The following FRMPD4 variants were observed in gnomAD, a reference collection of about 807,000 sequenced individuals.
FRMPD4 encodes FERM and PDZ domain containing 4, also known as FERM and PDZ domain-containing protein 4.
FRMPD4 carries 22 observed loss-of-function variants against 94.1 expected under a neutral mutation model. The ratio of observed to expected loss-of-function variants is 0.23; its 90% confidence interval spans 0.17 to 0.33. The LOEUF is 0.33. Among genes scored for constraint, FRMPD4 ranks in the 10% least tolerant of loss-of-function variants. The pLI, the probability that FRMPD4 is intolerant of heterozygous loss-of-function variation, is 1.00. For missense variants in FRMPD4, 1,111 were observed against 1,339.9 expected, an observed-to-expected ratio of 0.83 and a Z score of 2.67; for synonymous variants, 631 against 548.6, an observed-to-expected ratio of 1.15 and a Z score of -2.10.
intron 1 of FRMPD4, among the ~76,000 whole-genome samples, chrX:12,358,080 A>G (rs1406834396): frequency 8.9e-6 from 1 of 111,930 alleles, no homozygotes; most frequent in African/African-American, 3.3e-5. Context: ...ATTCCTTTTT[A>G]CTGCTGAATT....
At chrX:11,861,557 C>T (rs1483880726) in intron 1 of FRMPD4, among the ~76,000 whole-genome samples, 1 of 111,840 alleles carries the variant, frequency 8.9e-6, no homozygotes. Context: ...ATCCATTTGC[C>T]TATTCAATTT....
intron 3 of FRMPD4, among the ~76,000 whole-genome samples, chrX:12,037,171 C>T (rs375356648): frequency 4.5e-5 from 5 of 111,667 alleles, no homozygotes; most frequent in African/African-American, 1.6e-4. Flanking sequence ...CCAATGTTCT[C>T]AGCTGGATGA....
intron 3 of FRMPD4, among the ~76,000 whole-genome samples, chrX:11,935,121 A>T (rs1404803597): frequency 1.3e-5 from 1 of 74,776 alleles, no homozygotes; most frequent in Non-Finnish European, 2.6e-5. Context: ...ATTGAGGTGT[A>T]ACCAGCATAC....
At chrX:12,576,967 T>C (rs1195359780) in intron 2 of FRMPD4, among the ~76,000 whole-genome samples, 10 of 111,872 alleles carry the variant, frequency 8.9e-5, no homozygotes, top group African/African-American at 3.3e-4. Flanking sequence ...AATTCCATGA[T>C]AGTTGTCAAT....
chrX:12,291,959 G>C (rs1425948859), intron 1 of FRMPD4, among the ~76,000 whole-genome samples: 1 of 111,895 alleles, frequency 8.9e-6, no homozygotes, highest in Non-Finnish European at 1.9e-5. Context: ...AAACTCTGCT[G>C]TCTGTGGCCT....
At chrX:12,170,037 A>G (rs2056193446) in intron 1 of FRMPD4, among the ~76,000 whole-genome samples, 1 of 111,787 alleles carries the variant, frequency 8.9e-6, no homozygotes, top group Admixed American at 9.5e-5. Flanking sequence ...TCCGCAAAAT[A>G]TTTTCCTCAG....
intron 13 of FRMPD4, among the ~76,000 whole-genome samples, chrX:12,708,309 A>C: frequency 9.1e-6 from 1 of 110,048 alleles, no homozygotes. Flanking sequence ...ATCTCTACTA[A>C]AAATACAAAA....
intron 3 of FRMPD4, among the ~76,000 whole-genome samples, chrX:12,083,149 C>G (rs941298032): frequency 4.4e-5 from 5 of 112,671 alleles, no homozygotes; most frequent in Non-Finnish European, 9.4e-5. Flanking sequence ...CCATCACAGG[C>G]CTGGAGGCCC....
At chrX:12,539,545 A>G (rs2058380427) in intron 2 of FRMPD4, among the ~76,000 whole-genome samples, 1 of 112,094 alleles carries the variant, frequency 8.9e-6, no homozygotes, top group Non-Finnish European at 1.9e-5. Context: ...AAAGAAAGGT[A>G]GGGTTAACCA....
intron 1 of FRMPD4, among the ~76,000 whole-genome samples, chrX:12,172,508 G>T (rs2056240125): frequency 1.8e-5 from 2 of 111,972 alleles, no homozygotes; most frequent in South Asian, 7.4e-4. Flanking sequence ...TGCAGGACTT[G>T]TTAAAACACT....
At chrX:12,162,712 A>T (rs888639363) in intron 1 of FRMPD4, among the ~76,000 whole-genome samples, 2 of 111,763 alleles carry the variant, frequency 1.8e-5, no homozygotes, top group African/African-American at 6.5e-5. Context: ...AAATCAAGGA[A>T]GAACATCTGG....
chrX:11,847,748 T>C (rs1488895973), intron 1 of FRMPD4, among the ~76,000 whole-genome samples: 29 of 107,727 alleles, frequency 2.7e-4, no homozygotes, highest in African/African-American at 9.2e-4. Context: ...TGGATGAAAT[T>C]GGAAATCATC....
chrX:12,681,403 C>G (rs111400373), intron 5 of FRMPD4, among the ~76,000 whole-genome samples: 108 of 112,524 alleles, frequency 9.6e-4, no homozygotes, highest in African/African-American at 3.3e-3. Flanking sequence ...ATGAGAACAC[C>G]CTGTCACATC....
At chrX:12,052,823 G>A (rs1299133730) in intron 3 of FRMPD4, among the ~76,000 whole-genome samples, 1 of 111,784 alleles carries the variant, frequency 8.9e-6, no homozygotes, top group Non-Finnish European at 1.9e-5. Context: ...AAAGGGACCT[G>A]TAATAAATTA....
intron 1 of FRMPD4, among the ~76,000 whole-genome samples, chrX:12,338,076 G>A (rs190677236): frequency 8.9e-6 from 1 of 112,253 alleles, no homozygotes; most frequent in Non-Finnish European, 1.9e-5. Context: ...ACATGGTGGA[G>A]TATGAAGGGG....
chrX:12,219,581 A>G (rs1207834573), intron 1 of FRMPD4, among the ~76,000 whole-genome samples: 3 of 112,164 alleles, frequency 2.7e-5, no homozygotes, highest in African/African-American at 9.7e-5. Context: ...ATAATGTTTT[A>G]AAAGTCAGCT....
chrX:12,327,076 C>T (rs2055300987), intron 1 of FRMPD4, among the ~76,000 whole-genome samples: 1 of 111,872 alleles, frequency 8.9e-6, no homozygotes, highest in Admixed American at 9.5e-5. Flanking sequence ...CCCATTACTC[C>T]CTCTCTGAGC....
At position 12,298,277 on chromosome X, in the gene FRMPD4, C is replaced by T. The variant is rs559412071; in HGVS notation, c.41+159265C>T. ...GTGCTGTGGAGCTACACACAGATCC[C>T]CTCAATGTAAACTGTTGTCACAGTC... On this transcript the variant is annotated intron_variant, in intron 1 of 16. Transcript: ENST00000675598. 1.2e-4 allele frequency among the ~76,000 whole-genome samples: 14 copies of T among 112,178 alleles called. No individual in the cohort carries two copies. The South Asian group carries it at 5.3e-3, about 42-fold the overall frequency.
intron 1 of FRMPD4, among the ~76,000 whole-genome samples, chrX:12,256,078 A>G (rs2054111049): frequency 8.9e-6 from 1 of 112,051 alleles, no homozygotes; most frequent in Admixed American, 9.5e-5. Flanking sequence ...AGTTACGTAT[A>G]CATGTGCTTG....
Sources: allele counts gnomAD v4.1 joint callset (sites outside exome capture counted in the v4.1 genomes callset), GRCh38; gene constraint gnomAD v4.1.1; transcripts MANE v1.5; gene names NCBI Gene and HGNC (gene_info 2026-07-23, HGNC 2026-07-21).